The following ZNF649 variants were observed in gnomAD, a reference collection of about 807,000 sequenced individuals.
ZNF649 encodes zinc finger protein 649.
ZNF649 carries 7 observed loss-of-function variants against 14.1 expected under a neutral mutation model. The ratio of observed to expected loss-of-function variants is 0.49; its 90% CI spans 0.28 to 0.93. The LOEUF (loss-of-function observed/expected upper bound fraction) is 0.93. Ranked by LOEUF, ZNF649 falls within the 40% of genes least tolerant of loss-of-function variation. The pLI, the probability that ZNF649 is intolerant of heterozygous loss-of-function variation, is 0.10. For missense variants in ZNF649, 544 were observed against 608.1 expected, an observed-to-expected ratio of 0.89 and a Z score of 1.11; for synonymous variants, 227 against 212.3, an observed-to-expected ratio of 1.07 and a Z score of -0.60.
chr19:51,896,837 G>C lies in ZNF649; in HGVS notation c.142+15C>G, dbSNP rs367653878. On this transcript the variant is annotated intron_variant, in intron 3 of 4. Coordinates refer to ENST00000354957, the MANE Select transcript of ZNF649 (RefSeq NM_023074.4). ...ACTGGGTACCCTCTGAGTGACACAG[G>C]GCAGCTGTCCTCACCCACTGACACA... 6.2e-7 allele frequency: 1 copy of C among 1,614,044 alleles called. No homozygotes were observed. Among genetic ancestry groups the C allele is most frequent in the Non-Finnish European group, 8.5e-7 (1 of 1,179,988 alleles).
chr19:51,891,886 C>A lies in ZNF649; in HGVS notation c.250G>T (p.Ala84Ser). The A allele has an allele frequency of 6.4e-7, 1 of 1,558,902 alleles. No homozygotes were observed. Among genetic ancestry groups the A allele is most frequent in the South Asian group, 1.2e-5 (1 of 80,918 alleles). Residue 84 changes from alanine (A) to serine (S), a missense_variant, in exon 5 of 5, where the codon GCT becomes TCT. Physicochemically the swap from Ala to Ser is moderately conservative, Grantham distance 99 (BLOSUM62 1). Transcript: ENST00000354957. This position sits in a 1 kb window ranked among gnomAD's most constrained non-coding sequence, Gnocchi z 4.2. ...HSPAHPEIEK[A>S]DDHLQQPLQN... ...AAGGGCTGCTGCAGATGATCATCAG[C>A]TTTCTCAATTTCTAAGAGAGAGAAC...
intron 4 of ZNF649, among the ~76,000 whole-genome samples, chr19:51,893,906 A>G (rs1487707815): frequency 6.6e-6 from 1 of 152,182 alleles, no homozygotes; most frequent in African/African-American, 2.4e-5. Context: ...TATGATTGCT[A>G]TAGTACTGCC....
rs1167499459 is a variant in ZNF649 at position 51,890,760 on chromosome 19, T to TC, written c.1375dup (p.Asp459GlyfsTer18). 6.2e-7 allele frequency: 1 copy of TC among 1,614,164 alleles called. No homozygotes were observed. Among genetic ancestry groups the TC allele is most frequent in the East Asian group, 2.2e-5 (1 of 44,878 alleles). On this transcript the variant is annotated frameshift_variant, in exon 5 of 5. Coordinates refer to ENST00000354957, the MANE Select transcript of ZNF649 (RefSeq NM_023074.4). LOFTEE classifies it low-confidence loss of function (END_TRUNC). ...GGAAGGATTTTCCACCTTCACTGAA[T>TC]CCCCCCGTTTCTCCCTTGAGTGTAT... is the stretch of plus-strand genomic sequence containing the variant.
At chr19:51,903,526 G>T (rs9973239) in intron 1 of ZNF649, among the ~76,000 whole-genome samples, 2 of 152,096 alleles carry the variant, frequency 1.3e-5, no homozygotes, top group South Asian at 2.1e-4. Flanking sequence ...CTTATAAATC[G>T]TAACAATCAT....
chr19:51,897,036 G>C (rs2085067022), intron 2 of ZNF649, 58 bp from the exon 3 acceptor site: 4 of 1,607,504 alleles, frequency 2.5e-6, no homozygotes, highest in Non-Finnish European at 3.4e-6. Flanking sequence ...GAAGAAATAT[G>C]AAGTTGTTCG....
At chr19:51,902,592 A>G (rs2085100965) in intron 1 of ZNF649, among the ~76,000 whole-genome samples, 1 of 152,248 alleles carries the variant, frequency 6.6e-6, no homozygotes, top group African/African-American at 2.4e-5. Context: ...TTGAGGCTGC[A>G]GTAAATCTGA....
chr19:51,897,103 G>C lies in ZNF649; in HGVS notation c.16-125C>G, dbSNP rs56108326. On this transcript the variant is annotated intron_variant, in intron 2 of 4. Transcript: ENST00000354957. ...CAGTTGTCCCTTGGTATACTCAATGGAATGGTTTCAGGATGCCCCACATAT... is the reference window on the plus strand; with the variant it reads ...CAGTTGTCCCTTGGTATACTCAATGCAATGGTTTCAGGATGCCCCACATAT... 5,383 of 1,392,130 alleles carry C rather than the reference G, an allele frequency of 3.9e-3. 165 individuals carry two copies. The African/African-American group carries it at 0.066, about 17-fold the overall frequency. 86.2% of individuals were successfully genotyped at this position (1,392,130 alleles called of 1,614,324 possible). A position where few individuals can be genotyped will look rare whatever the true frequency, so the allele number is the denominator to read the frequency against.
intron 4 of ZNF649, among the ~76,000 whole-genome samples, chr19:51,894,759 C>T (rs2085048379): frequency 6.6e-6 from 1 of 152,026 alleles, no homozygotes; most frequent in Admixed American, 6.6e-5. Flanking sequence ...TCAAGAAAGA[C>T]ATTTCTGTTT....
chr19:51,904,945 T>G lies in ZNF649; in HGVS notation c.-219A>C, dbSNP rs2085115114. 6.6e-6 allele frequency: 1 copy of G among 152,272 alleles called. No homozygotes were observed. The highest frequency in any genetic ancestry group is 2.4e-5 in the African/African-American group (1 of 41,174). The allele number at this position is 152,272 out of a possible 1,614,324, so 9.4% of individuals were successfully genotyped here. Reference sequence around the variant, plus strand: ...TTCTTCTGGCTACACCTAAATTCCCTGAATGCTTCCTTTCCTGGCCCTTAA... The same window carrying G: ...TTCTTCTGGCTACACCTAAATTCCCGGAATGCTTCCTTTCCTGGCCCTTAA... On this transcript the variant is annotated 5_prime_UTR_variant, in exon 1 of 5. Transcript: ENST00000354957.
At chr19:51,895,717 C>G (rs746658594) in intron 4 of ZNF649, among the ~76,000 whole-genome samples, 2 of 151,758 alleles carry the variant, frequency 1.3e-5, no homozygotes, top group Non-Finnish European at 2.9e-5. Context: ...TTCTCCCTCT[C>G]TCTCTTATAT....
Position 51,896,917 on chromosome 19 carries a change from C to A in ZNF649, c.77G>T (p.Ser26Ile). 1 of 1,614,188 alleles carries A rather than the reference C, an allele frequency of 6.2e-7. No homozygotes were observed. The highest frequency in any genetic ancestry group is 8.5e-7 in the Non-Finnish European group (1 of 1,180,042). The change falls in exon 3 of 5, where the codon AGC becomes ATC. Residue 26 changes from serine to isoleucine, a missense_variant. By Grantham distance (142) the Ser-to-Ile change is moderately radical (BLOSUM62 -2). Coordinates refer to ENST00000354957, the MANE Select transcript of ZNF649 (RefSeq NM_023074.4). ...DFTWEEWQFL[S>I]PAQKDLYRDV... ...CCGGTACAGGTCCTTCTGAGCAGGGCTCAGGAACTGCCACTCCTCCCAGGT... is the reference window on the plus strand; with the variant it reads ...CCGGTACAGGTCCTTCTGAGCAGGGATCAGGAACTGCCACTCCTCCCAGGT...
In ZNF649 at chr19:51,890,728, T is replaced by G; in HGVS notation, c.1408A>C (p.Ser470Arg). 6.2e-7 allele frequency: 1 copy of G among 1,614,250 alleles called. No homozygotes were observed. Among genetic ancestry groups the G allele is most frequent in the African/African-American group, 1.3e-5 (1 of 75,072 alleles). Residue 470 changes from serine to arginine, a missense_variant, in exon 5 of 5, where the codon AGT (serine) becomes CGT (arginine). Coordinates refer to ENST00000354957, the MANE Select transcript of ZNF649 (RefSeq NM_023074.4). Reference protein sequence around the residue: ...SVKVENPSTASHSLSPSEHVQ... With the variant: ...SVKVENPSTARHSLSPSEHVQ... ...TGTTCACTAGGACTTAAGCTGTGAC[T>G]TGCTGTGGAAGGATTTTCCACCTTC...
In ZNF649 at chr19:51,891,257, G is replaced by A. The variant is rs764561353; in HGVS notation, c.879C>T (p.Ser293=). Residue 293 remains serine, a synonymous_variant, in exon 5 of 5, where the codon AGC becomes AGT. Coordinates refer to ENST00000354957, the MANE Select transcript of ZNF649 (RefSeq NM_023074.4). The surrounding 1 kb of genome is among the most constrained non-coding windows in gnomAD (Gnocchi z 4.2). The part of the protein sequence containing the change: ...IHTGIKPHQC[S]ECGRAFSRKS... The stretch of plus-strand genomic sequence containing the variant: ...TTCTGGAGAAAGCTCTCCCACATTC[G>A]CTGCATTGATGGGGCTTAATTCCCG... 5.0e-6 allele frequency: 8 copies of A among 1,614,156 alleles called. No homozygotes were observed. The highest frequency in any genetic ancestry group is 2.2e-5 in the South Asian group (2 of 91,070).
At chr19:51,899,974 G>T in intron 2 of ZNF649, 119 bp downstream of exon 2, 1 of 851,458 alleles carries the variant, frequency 1.2e-6, no homozygotes, top group Non-Finnish European at 1.7e-6. Context: ...GTCTAAGTCT[G>T]TTTCTCCCCA....
In ZNF649 at chr19:51,890,760, TCCC is replaced by T. The variant is rs1167499459; in HGVS notation, c.1373_1375del (p.Gly458del). Reference sequence around the variant, plus strand: ...GGAAGGATTTTCCACCTTCACTGAATCCCCCCGTTTCTCCCTTGAGTGTATTCT... The same window carrying T: ...GGAAGGATTTTCCACCTTCACTGAATCCCGTTTCTCCCTTGAGTGTATTCT... On this transcript the variant is annotated inframe_deletion, in exon 5 of 5. Transcript: ENST00000354957. The T allele has an allele frequency of 6.2e-7, 1 of 1,614,164 alleles. No individual in the cohort carries two copies. The highest frequency in any genetic ancestry group is 2.2e-5 in the East Asian group (1 of 44,878).
In ZNF649 at chr19:51,891,518, G is replaced by A. The variant is rs755518308; in HGVS notation, c.618C>T (p.His206=). Residue 206 remains histidine (H), a synonymous_variant, in exon 5 of 5, where the codon CAC becomes CAT. Coordinates refer to ENST00000354957, the MANE Select transcript of ZNF649 (RefSeq NM_023074.4). The surrounding 1 kb of genome is among the most constrained non-coding windows in gnomAD (Gnocchi z 4.2). ...AGGCTTTCCCACACAAGCTACACAC[G>A]TGGGGTTTCTTTCCTGTATGAATTC... ...HKRIHTGKKP[H]VCSLCGKAFY... 6.1e-5 allele frequency: 98 copies of A among 1,614,038 alleles called. No individual in the cohort carries two copies. The highest frequency in any genetic ancestry group is 7.3e-5 in the Non-Finnish European group (86 of 1,180,046).
intron 2 of ZNF649, 43 bp from the exon 3 acceptor site, chr19:51,897,021 A>G: frequency 6.2e-7 from 1 of 1,611,860 alleles, no homozygotes; most frequent in South Asian, 1.1e-5. Context: ...TCTTTTATTG[A>G]CATGGAAGAA....
At chr19:51,894,372 G>C (rs1450811919) in intron 4 of ZNF649, among the ~76,000 whole-genome samples, 1 of 152,132 alleles carries the variant, frequency 6.6e-6, no homozygotes, top group Non-Finnish European at 1.5e-5. Flanking sequence ...GACCTCAGGT[G>C]ATCTGCCCAA....
intron 1 of ZNF649, among the ~76,000 whole-genome samples, chr19:51,901,869 G>A (rs2085096549): frequency 6.6e-6 from 1 of 151,116 alleles, no homozygotes; most frequent in Admixed American, 6.6e-5. Context: ...CTTGAGCCTG[G>A]GAGGTTGAGA....
Sources: gnomAD v4.1 joint callset for allele counts (sites outside exome capture counted in the v4.1 genomes callset) on GRCh38, gnomAD v4.1.1 for gene constraint, Gnocchi (gnomAD v3.1) non-coding constraint, MANE v1.5 for transcripts, NCBI Gene and HGNC (gene_info 2026-07-23, HGNC 2026-07-21) for gene names.